Variants in TFEC observed in about 807,000 individuals in gnomAD.
TFEC encodes the protein transcription factor EC.
TFEC carries 31 observed loss-of-function variants against 41.6 expected under a neutral mutation model. The ratio of observed to expected loss-of-function variants is 0.74; its 90% confidence interval spans 0.56 to 1.01. The LOEUF (loss-of-function observed/expected upper bound fraction) is 1.01. TFEC is among the 50% of genes least tolerant of loss of function. The pLI is 0.00. For missense variants in TFEC, 402 were observed against 404.1 expected (o/e 0.99, Z 0.04); for synonymous variants, 143 against 140.6 (o/e 1.02, Z -0.12).
intron 7 of TFEC, chr7:115,941,602 T>C (rs2130187706): frequency 2.7e-6 from 1 of 364,238 alleles, no homozygotes; most frequent in East Asian, 4.1e-5. Context: ...TAATTTGTTG[T>C]CATTATATAT....
intron 1 of TFEC, among the ~76,000 whole-genome samples, chr7:116,155,415 G>A (rs895516719): frequency 2.6e-5 from 4 of 152,126 alleles, no homozygotes; most frequent in Non-Finnish European, 5.9e-5. Flanking sequence ...TTTCCACGTC[G>A]TACTTCTTAC....
At chr7:115,947,233 T>C (rs1449019389) in intron 6 of TFEC, among the ~76,000 whole-genome samples, 1 of 151,570 alleles carries the variant, frequency 6.6e-6, no homozygotes, top group Non-Finnish European at 1.5e-5. Flanking sequence ...ATCCATGTCC[T>C]ACAAAGGATG....
intron 2 of TFEC, among the ~76,000 whole-genome samples, chr7:115,977,076 T>G (rs1246230339): frequency 2.6e-5 from 4 of 152,158 alleles, no homozygotes; most frequent in Non-Finnish European, 1.5e-5. Context: ...TTAATGGATG[T>G]TAAAATCTAA....
At chr7:116,092,503 A>T (rs985574498) in intron 3 of TFEC, among the ~76,000 whole-genome samples, 1 of 152,216 alleles carries the variant, frequency 6.6e-6, no homozygotes, top group Non-Finnish European at 1.5e-5. Context: ...TTAGTATTTT[A>T]CATTTCAGTG....
At chr7:116,012,092 C>T (rs1308508061) in intron 1 of TFEC, among the ~76,000 whole-genome samples, 1 of 152,116 alleles carries the variant, frequency 6.6e-6, no homozygotes, top group Non-Finnish European at 1.5e-5. Context: ...GTTAATATTA[C>T]AGTTTATATG....
Position 116,021,421 on chromosome 7 carries a change from A to G in TFEC, c.-73+9212T>C, listed in dbSNP as rs551833032. Among the ~76,000 whole-genome samples, 5 of 152,312 alleles carry G rather than the reference A, an allele frequency of 3.3e-5. No individual in the cohort carries two copies. In the East Asian group the frequency reaches 9.6e-4, roughly 29 times the overall value. ...TTGGCCACAACAGGGTAGAGTTTCA[A>G]ACTTCTTGAACTCTGTATATGCACA... On this transcript the variant is annotated intron_variant, in intron 1 of 7. Transcript: ENST00000265440.
intron 6 of TFEC, among the ~76,000 whole-genome samples, chr7:115,942,618 T>C (rs1793563023): frequency 6.6e-6 from 1 of 152,074 alleles, no homozygotes; most frequent in Admixed American, 6.6e-5. Flanking sequence ...GTCATTTTTT[T>C]TCTATACAAA....
chr7:116,038,302 G>T (rs1795956722), intron 3 of TFEC, among the ~76,000 whole-genome samples: 1 of 151,922 alleles, frequency 6.6e-6, no homozygotes, highest in Admixed American at 6.6e-5. Flanking sequence ...TGCAATCTCT[G>T]TGTCCTTTTC....
intron 3 of TFEC, among the ~76,000 whole-genome samples, chr7:116,066,549 T>C (rs1466948438): frequency 6.6e-6 from 1 of 152,042 alleles, no homozygotes; most frequent in African/African-American, 2.4e-5. Flanking sequence ...TGTCAAATTA[T>C]CTTTGGGAGT....
chr7:115,964,719 T>C lies in TFEC; in HGVS notation c.268-7926A>G, dbSNP rs889670788. Among the ~76,000 whole-genome samples, 8 of 151,618 alleles carry C rather than the reference T, an allele frequency of 5.3e-5. No homozygotes were observed. In the South Asian group the frequency reaches 1.0e-3, roughly 20 times the overall value. On this transcript the variant is annotated intron_variant, in intron 3 of 7. Transcript: ENST00000265440. ...CTTTAAGGCAAACATCCTAATTAAT[T>C]ATTCCCATCAAAATCATTCCTTTTG...
intron 3 of TFEC, among the ~76,000 whole-genome samples, chr7:115,963,941 T>C (rs779583666): frequency 1.3e-4 from 19 of 151,620 alleles, no homozygotes; most frequent in Non-Finnish European, 2.4e-4. Flanking sequence ...TACCCCAATA[T>C]AAAAACATAA....
At chr7:115,999,515 C>A (rs1044430103) in intron 1 of TFEC, among the ~76,000 whole-genome samples, 3 of 151,572 alleles carry the variant, frequency 2.0e-5, no homozygotes, top group Non-Finnish European at 4.4e-5. Context: ...AGAAACCATA[C>A]AAAAGATCAA....
At chr7:116,158,487 C>A (rs1468610749) in intron 1 of TFEC, among the ~76,000 whole-genome samples, 1 of 152,060 alleles carries the variant, frequency 6.6e-6, no homozygotes, top group African/African-American at 2.4e-5. Flanking sequence ...ATATATCTAG[C>A]CAAATTTAAC....
At chr7:115,947,335 T>C (rs1390729322) in intron 6 of TFEC, among the ~76,000 whole-genome samples, 1 of 151,446 alleles carries the variant, frequency 6.6e-6, no homozygotes, top group African/African-American at 2.4e-5. Context: ...GACATTTGGG[T>C]TGGTTCCAAG....
At chr7:116,138,692 A>G (rs1798482093) in intron 1 of TFEC, among the ~76,000 whole-genome samples, 1 of 152,240 alleles carries the variant, frequency 6.6e-6, no homozygotes, top group South Asian at 2.1e-4. Context: ...CCTTAGAGAA[A>G]AAGTTCATAG....
chr7:116,089,131 A>G (rs947561938), intron 3 of TFEC, among the ~76,000 whole-genome samples: 67 of 152,150 alleles, frequency 4.4e-4, no homozygotes, highest in Admixed American at 3.2e-3. Flanking sequence ...AGTAATCTCA[A>G]TCCTCTGAAC....
intron 1 of TFEC, among the ~76,000 whole-genome samples, chr7:116,028,518 A>G (rs1795668823): frequency 1.3e-5 from 2 of 152,194 alleles, no homozygotes; most frequent in African/African-American, 4.8e-5. Flanking sequence ...AAACACCCCC[A>G]GTAAAATCTG....
At position 115,954,648 on chromosome 7, in the gene TFEC, C is replaced by T; in HGVS notation, c.383-6G>A. ...TAAAGCTCTAGTGTCAGTTTCTGAT[C>T]AAAAGAAAAATAATAAAAACCATGC... On this transcript the variant is annotated splice_region_variant and splice_polypyrimidine_tract_variant and intron_variant, in intron 4 of 7. Transcript: ENST00000265440. The T allele has an allele frequency of 6.2e-7, 1 of 1,609,214 alleles. No individual in the cohort carries two copies. Among genetic ancestry groups the T allele is most frequent in the Non-Finnish European group, 8.5e-7 (1 of 1,178,024 alleles).
At chr7:116,026,478 G>A (rs370660406) in intron 1 of TFEC, among the ~76,000 whole-genome samples, 3 of 152,070 alleles carry the variant, frequency 2.0e-5, no homozygotes, top group African/African-American at 2.4e-5. Context: ...ACCTAGTACC[G>A]CACCAGGTAC....
Sources: gnomAD v4.1 joint callset for allele counts (sites outside exome capture counted in the v4.1 genomes callset) on GRCh38, gnomAD v4.1.1 for gene constraint, MANE v1.5 for transcripts, NCBI Gene and HGNC (gene_info 2026-07-23, HGNC 2026-07-21) for gene names.